AKR1E2: variants seen among roughly 807,000 people sequenced by gnomAD.
AKR1E2 encodes 1,5-anhydro-D-fructose reductase.
Under a neutral mutation model 41.9 loss-of-function variants are expected in AKR1E2, and 43 were observed. The ratio of observed to expected loss-of-function variants is 1.03; its 90% confidence interval spans 0.80 to 1.32. The LOEUF (loss-of-function observed/expected upper bound fraction) is 1.32. Ranked by LOEUF, AKR1E2 falls within the 40% of genes most tolerant of loss-of-function variation. The probability of loss-of-function intolerance (pLI) is 0.00; values close to 1 mark genes in which losing one functional copy is unlikely to be tolerated. For synonymous variants in AKR1E2, 121 were observed against 138.9 expected (o/e 0.87, Z 0.91); for missense variants, 423 against 396.5 (o/e 1.07, Z -0.57).
At chr10:4,827,243 G>A (rs889093380) in intron 1 of AKR1E2, among the ~76,000 whole-genome samples, 1 of 152,132 alleles carries the variant, frequency 6.6e-6, no homozygotes, top group African/African-American at 2.4e-5. Flanking sequence ...TTTGAGCCGT[G>A]TATACAATTG....
At chr10:4,845,575 A>T (rs1404918044) in intron 8 of AKR1E2, among the ~76,000 whole-genome samples, 1 of 151,432 alleles carries the variant, frequency 6.6e-6, no homozygotes, top group African/African-American at 2.5e-5. Flanking sequence ...CCCTGGGAGG[A>T]CATAGGCTGG....
At chr10:4,842,546 G>C (rs368678588) in intron 8 of AKR1E2, 42 bp downstream of exon 8, 449 of 1,572,056 alleles carry the variant, frequency 2.9e-4, no homozygotes, top group Non-Finnish European at 3.6e-4. Flanking sequence ...TTCAGATCAT[G>C]TGTTAGATGG....
chr10:4,843,936 A>G (rs1005642196), intron 8 of AKR1E2, among the ~76,000 whole-genome samples: 2 of 152,146 alleles, frequency 1.3e-5, no homozygotes, highest in Non-Finnish European at 2.9e-5. Context: ...CTGTAAACTC[A>G]GTTCTCTCCA....
At chr10:4,869,018 T>C in the AKR1E2 span, among the ~76,000 whole-genome samples, 2 of 152,176 alleles carry the variant, frequency 1.3e-5, no homozygotes, top group African/African-American at 4.8e-5. Flanking sequence ...TTTCCGTTTT[T>C]GTCTCATTTT....
At chr10:4,865,875 A>G in the AKR1E2 span, among the ~76,000 whole-genome samples, 1 of 152,194 alleles carries the variant, frequency 6.6e-6, no homozygotes, top group South Asian at 2.1e-4. Flanking sequence ...TGCTAAAGAA[A>G]AATTGTATTC....
At chr10:4,865,279 G>A in the AKR1E2 span, among the ~76,000 whole-genome samples, 1 of 152,094 alleles carries the variant, frequency 6.6e-6, no homozygotes, top group South Asian at 2.1e-4. Flanking sequence ...TAAAAAGATG[G>A]TATTGGAGTG....
At chr10:4,831,191 G>A (rs1832941861) in intron 2 of AKR1E2, among the ~76,000 whole-genome samples, 1 of 152,192 alleles carries the variant, frequency 6.6e-6, no homozygotes, top group African/African-American at 2.4e-5. Flanking sequence ...TGGGGTGATT[G>A]TTAAATGCAG....
chr10:4,837,381 A>G (rs753302128), intron 4 of AKR1E2, 78 bp from the exon 5 acceptor site: 119 of 1,563,182 alleles, frequency 7.6e-5, no homozygotes, highest in Non-Finnish European at 9.8e-5. Flanking sequence ...TTAGAATACC[A>G]TACAGAACTG....
intron 8 of AKR1E2, among the ~76,000 whole-genome samples, chr10:4,843,281 T>G (rs779894232): frequency 6.6e-6 from 1 of 152,104 alleles, no homozygotes; most frequent in African/African-American, 2.4e-5. Context: ...ACCCTTCTGA[T>G]AGGATCACTG....
At chr10:4,871,424 T>C in the AKR1E2 span, among the ~76,000 whole-genome samples, 3 of 152,170 alleles carry the variant, frequency 2.0e-5, no homozygotes, top group African/African-American at 7.2e-5. Context: ...AAGTTTTACA[T>C]TCATTTATAA....
intron 8 of AKR1E2, among the ~76,000 whole-genome samples, chr10:4,843,251 C>G (rs906252023): frequency 6.6e-6 from 1 of 152,166 alleles, no homozygotes; most frequent in Non-Finnish European, 1.5e-5. Context: ...CTCTCTCAGC[C>G]TTTGTTTCTT....
In AKR1E2 at chr10:4,833,391, A is replaced by G. The variant is rs1833134189; in HGVS notation, c.249A>G (p.Ala83=). Residue 83 remains alanine (A), a synonymous_variant, in exon 3 of 10, where the codon GCA becomes GCG. Transcript: ENST00000298375. ...TCHKKSLVET[A]CRKSLKALKL... Reference sequence around the variant, plus strand: ...ATAAGAAGTCCTTGGTGGAAACAGCATGCAGAAAGAGTCTCAAGGCCTTGA... The same window carrying G: ...ATAAGAAGTCCTTGGTGGAAACAGCGTGCAGAAAGAGTCTCAAGGCCTTGA... 1.2e-6 allele frequency: 2 copies of G among 1,614,084 alleles called. No individual in the cohort carries two copies. Among genetic ancestry groups the G allele is most frequent in the Non-Finnish European group, 1.7e-6 (2 of 1,180,046 alleles).
At chr10:4,854,556 GC>G in the AKR1E2 span, among the ~76,000 whole-genome samples, 4 of 151,992 alleles carry the variant, frequency 2.6e-5, no homozygotes, top group African/African-American at 9.7e-5. Flanking sequence ...GGAACCCCCC[GC>G]CCCGACCCAG....
chr10:4,843,207 C>T (rs76943141), intron 8 of AKR1E2, among the ~76,000 whole-genome samples: 5,308 of 152,270 alleles, frequency 0.035, 150 homozygotes, highest in East Asian at 0.11. Context: ...TTGGGATTCC[C>T]ACAGTCTCAC....
the AKR1E2 span, among the ~76,000 whole-genome samples, chr10:4,860,290 C>A: frequency 6.6e-6 from 1 of 152,168 alleles, no homozygotes; most frequent in Non-Finnish European, 1.5e-5. Context: ...CACTAGGCAC[C>A]TTTGAGGTCA....
rs1834426992 is a variant in AKR1E2 at position 4,847,582 on chromosome 10, G to A, written c.*52G>A. 1 of 1,594,742 alleles carries A rather than the reference G, an allele frequency of 6.3e-7. No individual in the cohort carries two copies. Among genetic ancestry groups the A allele is most frequent in the South Asian group, 1.1e-5 (1 of 89,450 alleles). The stretch of plus-strand genomic sequence containing the variant: ...TCAGCCCAGATGCACAGACACTATT[G>A]GCAATGTTGACCCTCCTCTGTCATC... On this transcript the variant is annotated 3_prime_UTR_variant, in exon 10 of 10. Coordinates refer to ENST00000298375, the MANE Select transcript of AKR1E2 (RefSeq NM_001040177.3).
chr10:4,830,872 G>T (rs374466498), intron 2 of AKR1E2, 30 bp downstream of exon 2: 1 of 1,613,148 alleles, frequency 6.2e-7, no homozygotes, highest in African/African-American at 1.3e-5. Flanking sequence ...GGCTGGCAGA[G>T]CTTGGGTAAT....
chr10:4,846,174 C>T (rs548936027), intron 8 of AKR1E2: 16 of 258,956 alleles, frequency 6.2e-5, no homozygotes, highest in South Asian at 1.3e-4. Context: ...CTACTTTCTC[C>T]TGCCCTCAGG....
chr10:4,834,186 G>A (rs1227602006), intron 3 of AKR1E2, among the ~76,000 whole-genome samples: 1 of 152,224 alleles, frequency 6.6e-6, no homozygotes, highest in African/African-American at 2.4e-5. Context: ...TTGCAGGGAT[G>A]TTCTTCCTAC....
Sources: gnomAD v4.1 joint callset for allele counts (sites outside exome capture counted in the v4.1 genomes callset) on GRCh38, gnomAD v4.1.1 for gene constraint, MANE v1.5 for transcripts, NCBI Gene and HGNC (gene_info 2026-07-23, HGNC 2026-07-21) for gene names.